GLIS3: variants seen among roughly 807,000 people sequenced by gnomAD.
GLIS3 encodes the protein zinc finger protein GLIS3.
Under a neutral mutation model 78.6 loss-of-function variants are expected in GLIS3, and 53 were observed. The ratio of observed to expected loss-of-function variants is 0.67; its 90% CI spans 0.54 to 0.85. The LOEUF (loss-of-function observed/expected upper bound fraction) is 0.85. Among genes scored for constraint, GLIS3 ranks in the 40% least tolerant of loss-of-function variants. The probability of loss-of-function intolerance (pLI) is 0.00; values close to 1 mark genes in which losing one functional copy is unlikely to be tolerated. For missense variants in GLIS3, 1,703 were observed against 1,231.1 expected, an observed-to-expected ratio of 1.38 and a Z score of -5.74; for synonymous variants, 684 against 509.9, an observed-to-expected ratio of 1.34 and a Z score of -4.60.
rs776900943 is a variant in GLIS3, at chr9:3,967,011, C to CAAAA, written c.1711-29826_1711-29823dup. Among the ~76,000 whole-genome samples the CAAAA allele has an allele frequency of 2.4e-3, 72 of 29,566 alleles. 1 individual carries two copies. The highest frequency in any genetic ancestry group is 0.011 in the East Asian group (4 of 356). 19.4% of individuals were successfully genotyped at this position (29,566 alleles called of 152,430 possible). ...CTCAACTCCAGACAATTTCTTTCTG[C>CAAAA]AAAAAAAAAAAAAAAAAAAAAACAA... is the stretch of plus-strand genomic sequence containing the variant. On this transcript the variant is annotated intron_variant, in intron 4 of 10. Transcript: ENST00000381971.
At chr9:3,898,656 G>T (rs1381056611) in intron 7 of GLIS3, 35 bp downstream of exon 7, 1 of 1,613,770 alleles carries the variant, frequency 6.2e-7, no homozygotes, top group South Asian at 1.1e-5. Context: ...CTAAAAAAGG[G>T]TAGTTGTGGT....
chr9:4,037,583 C>G (rs537889058), intron 4 of GLIS3, among the ~76,000 whole-genome samples: 215 of 144,156 alleles, frequency 1.5e-3, no homozygotes, highest in Non-Finnish European at 2.7e-3. Flanking sequence ...CACACACACA[C>G]AGAGACAATA....
intron 9 of GLIS3, among the ~76,000 whole-genome samples, chr9:3,845,680 A>C (rs1818986675): frequency 1.3e-5 from 2 of 152,192 alleles, no homozygotes; most frequent in African/African-American, 4.8e-5. Flanking sequence ...GCATACCCGT[A>C]CTTGAGCAAG....
At position 4,315,321 on chromosome 9, in the gene GLIS3, C is replaced by G. The variant is rs572889721; in HGVS notation, n.265-4793G>C. ...TCATGCCTATCTCCTACACAAGAAGCCTGAGACTGAATGGTTTGCCGGGAG... is the reference window on the plus strand; with the variant it reads ...TCATGCCTATCTCCTACACAAGAAGGCTGAGACTGAATGGTTTGCCGGGAG... On this transcript the variant is annotated intron_variant and non_coding_transcript_variant, in intron 2 of 4. Transcript: ENST00000471664. Among the ~76,000 whole-genome samples the G allele has an allele frequency of 3.9e-5, 6 of 152,216 alleles. No individual in the cohort carries two copies. In the South Asian group the frequency reaches 1.2e-3, roughly 32 times the overall value.
At chr9:4,231,085 TAAAATAAGATAAATATGTTCAGGA>T (rs1404681449) in intron 2 of GLIS3, among the ~76,000 whole-genome samples, 1 of 118,344 alleles carries the variant, frequency 8.4e-6, no homozygotes, top group African/African-American at 3.3e-5. Flanking sequence ...AAGTAAAAAA[TAAAATAAGATAAATATGTTCAGGA>T]TAATGAGATG....
At position 3,937,175 on chromosome 9, in the gene GLIS3, C is replaced by G. The variant is rs547842840; in HGVS notation, c.1725G>C (p.Glu575Asp). Residue 575 changes from glutamate (E) to aspartate (D), a missense_variant, in exon 5 of 11, where the codon GAG (glutamate) becomes GAC (aspartate). Transcript: ENST00000381971. ...GATTTTCAAGCCTTGAAAAGGCCTT[C>G]TCGCAACCTTCAAACTGCAAAAAGA... ...KPNKCTFEGC[E>D]KAFSRLENLK... The G allele has an allele frequency of 4.3e-6, 7 of 1,614,132 alleles. No individual in the cohort carries two copies. In the East Asian group the frequency reaches 1.3e-4, roughly 31 times the overall value.
At chr9:3,888,969 T>C (rs950352830) in intron 7 of GLIS3, among the ~76,000 whole-genome samples, 2 of 152,174 alleles carry the variant, frequency 1.3e-5, no homozygotes, top group South Asian at 2.1e-4. Context: ...TGTGACTAGA[T>C]GGGTCCCTAA....
chr9:4,426,904 A>G, the GLIS3 span, among the ~76,000 whole-genome samples: 7 of 152,212 alleles, frequency 4.6e-5, no homozygotes, highest in Non-Finnish European at 4.4e-5. Flanking sequence ...ATAAGGAATT[A>G]TTACTTTGAC....
chr9:4,448,496 G>C, the GLIS3 span, among the ~76,000 whole-genome samples: 2 of 152,328 alleles, frequency 1.3e-5, no homozygotes, highest in East Asian at 3.9e-4. Context: ...GTCTTTAAGT[G>C]ATCTCCCCAC....
At chr9:3,947,763 G>T (rs912939802) in intron 4 of GLIS3, among the ~76,000 whole-genome samples, 16 of 152,178 alleles carry the variant, frequency 1.1e-4, no homozygotes, top group African/African-American at 3.9e-4. Context: ...GGGCAGGAAA[G>T]ATGGGATTAA....
intron 2 of GLIS3, among the ~76,000 whole-genome samples, chr9:4,193,604 G>C (rs568889082): frequency 6.6e-6 from 1 of 152,320 alleles, no homozygotes; most frequent in East Asian, 1.9e-4. Context: ...ATAACATAGG[G>C]TACAAAATCT....
chr9:4,209,383 G>C (rs1820179256), intron 2 of GLIS3, among the ~76,000 whole-genome samples: 1 of 152,138 alleles, frequency 6.6e-6, no homozygotes, highest in Non-Finnish European at 1.5e-5. Flanking sequence ...GCATTCATGG[G>C]TGTGGACCAG....
the GLIS3 span, among the ~76,000 whole-genome samples, chr9:4,483,589 G>A: frequency 1.3e-5 from 2 of 151,972 alleles, no homozygotes; most frequent in East Asian, 3.9e-4. Context: ...GTGTGGTGGT[G>A]CACGCCTGTA....
intron 2 of GLIS3, among the ~76,000 whole-genome samples, chr9:4,244,201 T>G (rs113449973): frequency 0.012 from 1,801 of 152,308 alleles, 37 homozygotes; most frequent in African/African-American, 0.04. Context: ...CAGCTAAATC[T>G]CTCAATCAAC....
chr9:4,186,377 T>A (rs1443715927), intron 2 of GLIS3, among the ~76,000 whole-genome samples: 1 of 152,010 alleles, frequency 6.6e-6, no homozygotes. Context: ...ATGTGCCACA[T>A]TTTCTTAATC....
the GLIS3 span, among the ~76,000 whole-genome samples, chr9:4,354,317 A>C: frequency 3.9e-5 from 6 of 151,998 alleles, no homozygotes; most frequent in Admixed American, 3.9e-4. Context: ...TTTAGTTCGC[A>C]CTCTTGAAAC....
intron 1 of GLIS3, chr9:4,298,526 G>C: frequency 2.6e-6 from 1 of 390,542 alleles, no homozygotes. Context: ...GTGTCTAGGA[G>C]AGAGCCGGCG....
chr9:3,938,538 A>T (rs781715718), intron 4 of GLIS3, among the ~76,000 whole-genome samples: 50 of 152,212 alleles, frequency 3.3e-4, no homozygotes, highest in Admixed American at 6.5e-4. Flanking sequence ...AAGTAAAAAA[A>T]AATAATTAAA....
chr9:4,462,324 A>G, the GLIS3 span, among the ~76,000 whole-genome samples: 3 of 152,210 alleles, frequency 2.0e-5, no homozygotes, highest in Non-Finnish European at 2.9e-5. Flanking sequence ...TATTGCCAGA[A>G]TATCCAAGCT....
Sources: gnomAD v4.1 joint callset for allele counts (sites outside exome capture counted in the v4.1 genomes callset) on GRCh38, gnomAD v4.1.1 for gene constraint, MANE v1.5 for transcripts, NCBI Gene and HGNC (gene_info 2026-07-23, HGNC 2026-07-21) for gene names.